Variants in USP24 observed in about 807,000 individuals in gnomAD.
The protein encoded by USP24 is ubiquitin specific peptidase 24.
In USP24, 97 loss-of-function variants were observed where a neutral mutation model predicts 361.6. The observed-to-expected ratio is 0.27, with a 90% confidence interval of 0.23 to 0.32. The LOEUF (loss-of-function observed/expected upper bound fraction) is 0.32, where lower values mean the gene tolerates loss of function less well. Ranked by LOEUF, USP24 falls within the 10% of genes least tolerant of loss-of-function variation. The pLI is 1.00. For synonymous variants in USP24, 1,098 were observed against 1,124.6 expected, an observed-to-expected ratio of 0.98 and a Z score of 0.47; for missense variants, 2,353 against 3,165.6, an observed-to-expected ratio of 0.74 and a Z score of 6.16.
intron 38 of USP24, among the ~76,000 whole-genome samples, chr1:55,115,495 C>CCAAAAAAAA (rs1491514190): frequency 2.2e-5 from 1 of 45,828 alleles, no homozygotes; most frequent in Non-Finnish European, 4.0e-5. Context: ...GACTCCGCCT[C>CCAAAAAAAA]AAAAAAAAAA....
chr1:55,198,857 TAATA>T, intron 1 of USP24, among the ~76,000 whole-genome samples: 1 of 152,336 alleles, frequency 6.6e-6, no homozygotes. Context: ...TGGTTTTCCT[TAATA>T]AATAATAAAA....
chr1:55,164,655 G>C (rs918056817), intron 7 of USP24, among the ~76,000 whole-genome samples: 4 of 151,908 alleles, frequency 2.6e-5, no homozygotes, highest in Non-Finnish European at 4.4e-5. Context: ...CAATTGTTCT[G>C]AAAAATGGTC....
In USP24 at chr1:55,121,356, G is replaced by A. The variant is rs540727781; in HGVS notation, c.4347+80C>T. 5.5e-5 allele frequency: 73 copies of A among 1,321,142 alleles called. No individual in the cohort carries two copies. The South Asian group carries it at 8.6e-4, about 16-fold the overall frequency. The allele number at this position is 1,321,142 out of a possible 1,614,324, so 81.8% of individuals were successfully genotyped here. A position where few individuals can be genotyped will look rare whatever the true frequency, so the allele number is the denominator to read the frequency against. ...CACTCAATGCCACTCCTGTATTCCC[G>A]ACAATGTCACAGGTAGTTGAGACAG... On this transcript the variant is annotated intron_variant, in intron 37 of 67. Coordinates refer to ENST00000294383, the MANE Select transcript of USP24 (RefSeq NM_015306.3).
At chr1:55,159,488 A>T in intron 9 of USP24, 123 bp downstream of exon 9, 1 of 785,492 alleles carries the variant, frequency 1.3e-6, no homozygotes, top group Non-Finnish European at 2.0e-6. Flanking sequence ...ATGTAAAGTT[A>T]ATTCGATGTG....
intron 1 of USP24, among the ~76,000 whole-genome samples, chr1:55,200,227 A>G (rs189666240): frequency 2.6e-5 from 4 of 152,250 alleles, no homozygotes; most frequent in Non-Finnish European, 5.9e-5. Flanking sequence ...CCATTTTCTA[A>G]TATTTTACTA....
intron 63 of USP24, among the ~76,000 whole-genome samples, chr1:55,074,649 A>AATAT (rs200330250): frequency 6.7e-6 from 1 of 149,050 alleles, no homozygotes; most frequent in African/African-American, 2.5e-5. Flanking sequence ...TAAATAAATA[A>AATAT]ATAAATAAAT....
intron 24 of USP24, 83 bp downstream of exon 24, chr1:55,141,533 C>T: frequency 8.1e-7 from 1 of 1,230,516 alleles, no homozygotes; most frequent in Non-Finnish European, 1.2e-6. Flanking sequence ...AAATCAATAA[C>T]TGAGAAACCT....
At chr1:55,079,694 C>T in intron 59 of USP24, 35 bp from the exon 60 acceptor site, 10 of 1,520,588 alleles carry the variant, frequency 6.6e-6, no homozygotes, top group Non-Finnish European at 8.7e-6. Context: ...CAGAACCTGT[C>T]TCACCTGGTG....
chr1:55,209,194 G>T (rs764638825), intron 1 of USP24, among the ~76,000 whole-genome samples: 8 of 152,138 alleles, frequency 5.3e-5, no homozygotes, highest in Non-Finnish European at 8.8e-5. Context: ...CTAGTATCAT[G>T]ACTGAAATGT....
chr1:55,173,820 A>G (rs999517345), intron 3 of USP24, among the ~76,000 whole-genome samples: 2 of 152,208 alleles, frequency 1.3e-5, no homozygotes, highest in African/African-American at 4.8e-5. Context: ...TATTCCTCCT[A>G]TAGTTAAAAA....
intron 56 of USP24, 112 bp downstream of exon 56, chr1:55,085,830 T>TTTA (rs1557538872): frequency 9.2e-7 from 1 of 1,082,978 alleles, no homozygotes; most frequent in Non-Finnish European, 1.3e-6. Flanking sequence ...AGAAGGTGTA[T>TTTA]TTATGTGGCA....
chr1:55,211,574 CA>C (rs1410802938), intron 1 of USP24, among the ~76,000 whole-genome samples: 1 of 152,116 alleles, frequency 6.6e-6, no homozygotes, highest in Admixed American at 6.6e-5. Context: ...ATTTTTAAAC[CA>C]AACCCTAATT....
At chr1:55,141,037 T>C (rs1646874461) in intron 24 of USP24, among the ~76,000 whole-genome samples, 1 of 152,152 alleles carries the variant, frequency 6.6e-6, no homozygotes, top group Non-Finnish European at 1.5e-5. Flanking sequence ...CACAAACATT[T>C]GGGGATAAAG....
chr1:55,101,281 T>C lies in USP24; in HGVS notation c.5145+303A>G, dbSNP rs145357580. ...ATTGTAAAGTGCTCATGGTAGACCC[T>C]ATATATTTCTAAAATACTAAAACTG... On this transcript the variant is annotated intron_variant, in intron 43 of 67. Coordinates refer to ENST00000294383, the MANE Select transcript of USP24 (RefSeq NM_015306.3). Among the ~76,000 whole-genome samples the C allele has an allele frequency of 4.4e-3, 667 of 152,344 alleles. 2 individuals carry two copies. The highest frequency in any genetic ancestry group is 0.016 in the African/African-American group (647 of 41,582).
chr1:55,071,001 G>T, intron 67 of USP24: 1 of 331,174 alleles, frequency 3.0e-6, no homozygotes, highest in Non-Finnish European at 4.3e-6. Context: ...AGGTGATGAG[G>T]TAATGTGTGG....
At chr1:55,141,425 C>T (rs1420620870) in intron 24 of USP24, among the ~76,000 whole-genome samples, 191 bp downstream of exon 24, 4 of 152,136 alleles carry the variant, frequency 2.6e-5, no homozygotes, top group African/African-American at 9.7e-5. Context: ...GACCTACACA[C>T]AGAACTTCCA....
At chr1:55,126,635 A>G (rs1472516430) in intron 32 of USP24, among the ~76,000 whole-genome samples, 2 of 152,222 alleles carry the variant, frequency 1.3e-5, no homozygotes, top group African/African-American at 2.4e-5. Flanking sequence ...TAAATGGCTG[A>G]GTGATGTGAA....
chr1:55,157,077 A>G (rs759583873), intron 11 of USP24, 26 bp from the exon 12 acceptor site: 2 of 1,561,988 alleles, frequency 1.3e-6, no homozygotes, highest in Non-Finnish European at 1.8e-6. Context: ...TGAGAGAGAA[A>G]GTCAGATATA....
chr1:55,125,275 C>G (rs1472217988), intron 34 of USP24, 45 bp downstream of exon 34: 1 of 1,567,646 alleles, frequency 6.4e-7, no homozygotes. Flanking sequence ...ACAGGACATT[C>G]TGAATAAGAG....
Sources: gnomAD v4.1 joint callset for allele counts (sites outside exome capture counted in the v4.1 genomes callset) on GRCh38, gnomAD v4.1.1 for gene constraint, MANE v1.5 for transcripts, NCBI Gene and HGNC (gene_info 2026-07-23, HGNC 2026-07-21) for gene names.